The following ANKS1A variants were observed in gnomAD, a reference collection of about 807,000 sequenced individuals.
The protein encoded by ANKS1A is ankyrin repeat and sterile alpha motif domain containing 1A.
ANKS1A carries 55 observed loss-of-function variants against 120.3 expected under a neutral mutation model. The ratio of observed to expected loss-of-function variants is 0.46; its 90% confidence interval spans 0.37 to 0.57. The LOEUF (loss-of-function observed/expected upper bound fraction) is 0.57, where lower values mean the gene tolerates loss of function less well. Among genes scored for constraint, ANKS1A ranks in the 20% least tolerant of loss-of-function variants. The probability of loss-of-function intolerance (pLI) is 0.00; values close to 1 mark genes in which losing one functional copy is unlikely to be tolerated. For synonymous variants in ANKS1A, 590 were observed against 604.7 expected (o/e 0.98, Z 0.36); for missense variants, 1,123 against 1,480.3 (o/e 0.76, Z 3.96).
chr6:34,924,125 G>GTGTGTT (rs1768584274), intron 1 of ANKS1A, among the ~76,000 whole-genome samples: 1 of 145,138 alleles, frequency 6.9e-6, no homozygotes, highest in African/African-American at 2.6e-5. Flanking sequence ...GTGTGTGTGT[G>GTGTGTT]TGTATTTTTC....
intron 1 of ANKS1A, among the ~76,000 whole-genome samples, chr6:34,890,626 C>A (rs999721744): frequency 6.6e-6 from 1 of 152,130 alleles, no homozygotes; most frequent in Non-Finnish European, 1.5e-5. Flanking sequence ...TGTTGTTAAA[C>A]GCTTCAATCT....
chr6:35,076,266 AC>A (rs200359673), intron 13 of ANKS1A, among the ~76,000 whole-genome samples: 4,060 of 152,260 alleles, frequency 0.027, 65 homozygotes, highest in Middle Eastern at 0.058. Context: ...TACTAAAAAT[AC>A]AAAAAATTAG....
chr6:35,069,899 T>C (rs1206553294), intron 13 of ANKS1A, among the ~76,000 whole-genome samples: 1 of 151,734 alleles, frequency 6.6e-6, no homozygotes, highest in African/African-American at 2.4e-5. Context: ...TGGTGGCACA[T>C]GCCTGTAATC....
At chr6:34,970,581 C>CA (rs1428502840) in intron 3 of ANKS1A, among the ~76,000 whole-genome samples, 5 of 152,164 alleles carry the variant, frequency 3.3e-5, no homozygotes, top group African/African-American at 1.2e-4. Flanking sequence ...ACTTAACTAA[C>CA]CATGGATGGA....
intron 13 of ANKS1A, chr6:35,070,831 TG>T: frequency 1.8e-6 from 1 of 541,734 alleles, no homozygotes; most frequent in Non-Finnish European, 3.5e-6. Context: ...TTTCTTTGTG[TG>T]TGTGTGTGTG....
At chr6:34,922,396 A>G (rs1768482863) in intron 1 of ANKS1A, among the ~76,000 whole-genome samples, 1 of 152,320 alleles carries the variant, frequency 6.6e-6, no homozygotes, top group Admixed American at 6.5e-5. Flanking sequence ...TTGTACTGTC[A>G]GGGCTGGAGA....
At chr6:34,894,380 A>G (rs1766972204) in intron 1 of ANKS1A, among the ~76,000 whole-genome samples, 1 of 152,204 alleles carries the variant, frequency 6.6e-6, no homozygotes, top group South Asian at 2.1e-4. Context: ...GGCCAGGCAC[A>G]GTGGCTCACC....
chr6:35,091,304 G>C lies in ANKS1A; in HGVS notation c.*2695G>C, dbSNP rs1778293540. 1 of 985,730 alleles carries C rather than the reference G, an allele frequency of 1.0e-6. No homozygotes were observed. Among genetic ancestry groups the C allele is most frequent in the Non-Finnish European group, 1.2e-6 (1 of 829,952 alleles). The allele number at this position is 985,730 out of a possible 1,614,324, so 61.1% of individuals were successfully genotyped here. A position where few individuals can be genotyped will look rare whatever the true frequency, so the allele number is the denominator to read the frequency against. ...CATAGACTGACCTCAGTACCCAAGA[G>C]AGTGTAAATATTTCTGGGCTTCCAG... is the stretch of plus-strand genomic sequence containing the variant. On this transcript the variant is annotated 3_prime_UTR_variant, in exon 24 of 24. Coordinates refer to ENST00000360359, the MANE Select transcript of ANKS1A (RefSeq NM_015245.3).
chr6:34,889,620 G>C lies in ANKS1A; in HGVS notation c.197+21G>C, dbSNP rs770944100. On this transcript the variant is annotated intron_variant, in intron 1 of 23. Coordinates refer to ENST00000360359, the MANE Select transcript of ANKS1A (RefSeq NM_015245.3). The surrounding 1 kb of genome is among the most constrained non-coding windows in gnomAD (Gnocchi z 5.5). The stretch of plus-strand genomic sequence containing the variant: ...CTCAGGTGGGTACGCGCCAGGGCCG[G>C]GCCGCTGCCTGCAGACCCTTTCTCC... 1 of 1,282,584 alleles carries C rather than the reference G, an allele frequency of 7.8e-7. No homozygotes were observed. The highest frequency in any genetic ancestry group is 3.0e-5 in the East Asian group (1 of 32,940). The allele number at this position is 1,282,584 out of a possible 1,614,324, so 79.5% of individuals were successfully genotyped here. A position where few individuals can be genotyped will look rare whatever the true frequency, so the allele number is the denominator to read the frequency against.
At chr6:34,973,452 A>G (rs1771285669) in intron 3 of ANKS1A, among the ~76,000 whole-genome samples, 1 of 152,140 alleles carries the variant, frequency 6.6e-6, no homozygotes, top group Non-Finnish European at 1.5e-5. Context: ...TCATTGGGTG[A>G]TGGTGTTAGC....
intron 10 of ANKS1A, among the ~76,000 whole-genome samples, chr6:35,016,218 A>C (rs1455325720): frequency 6.6e-6 from 1 of 152,244 alleles, no homozygotes; most frequent in Non-Finnish European, 1.5e-5. Flanking sequence ...TCTAGGTTGA[A>C]GTCTTCTCCT....
chr6:35,041,187 C>T (rs941600434), intron 11 of ANKS1A, among the ~76,000 whole-genome samples: 1 of 152,254 alleles, frequency 6.6e-6, no homozygotes, highest in African/African-American at 2.4e-5. Flanking sequence ...ACTGCCTTCT[C>T]TCTAGATATT....
At chr6:34,988,225 A>C (rs762608243) in intron 8 of ANKS1A, among the ~76,000 whole-genome samples, 2 of 152,236 alleles carry the variant, frequency 1.3e-5, no homozygotes, top group Admixed American at 1.3e-4. Context: ...CTACTTTTGC[A>C]TTATAATGGC....
chr6:34,966,109 A>G (rs1288413776), intron 1 of ANKS1A, among the ~76,000 whole-genome samples: 3 of 152,172 alleles, frequency 2.0e-5, no homozygotes, highest in Non-Finnish European at 2.9e-5. Flanking sequence ...ACTTTAACCT[A>G]ACACTGATAC....
In ANKS1A at chr6:34,889,396, C is replaced by A; in HGVS notation, c.-7C>A. On this transcript the variant is annotated 5_prime_UTR_variant, in exon 1 of 24. Transcript: ENST00000360359. This position sits in a 1 kb window ranked among gnomAD's most constrained non-coding sequence, Gnocchi z 5.5. ...GGGAGGGGGTCCAGCGGGTGGCGGC[C>A]CTGGGGATGGGGAAGGAGCAGGAGC... 7.9e-7 allele frequency: 1 copy of A among 1,265,144 alleles called. No homozygotes were observed. Among genetic ancestry groups the A allele is most frequent in the Non-Finnish European group, 9.9e-7 (1 of 1,008,470 alleles). 78.4% of individuals were successfully genotyped at this position (1,265,144 alleles called of 1,614,324 possible). A position where few individuals can be genotyped will look rare whatever the true frequency, so the allele number is the denominator to read the frequency against.
At chr6:34,940,754 A>G (rs913007730) in intron 1 of ANKS1A, among the ~76,000 whole-genome samples, 2 of 151,900 alleles carry the variant, frequency 1.3e-5, no homozygotes, top group African/African-American at 2.4e-5. Context: ...ACTAAAATAC[A>G]AAAATTAGCT....
At chr6:34,913,187 A>T (rs956490166) in intron 1 of ANKS1A, among the ~76,000 whole-genome samples, 1 of 152,226 alleles carries the variant, frequency 6.6e-6, no homozygotes, top group Non-Finnish European at 1.5e-5. Context: ...AAGGTTGTTC[A>T]TGTACCCCCC....
intron 11 of ANKS1A, among the ~76,000 whole-genome samples, chr6:35,032,787 C>T (rs1173439807): frequency 1.3e-5 from 2 of 152,110 alleles, no homozygotes; most frequent in African/African-American, 4.8e-5. Flanking sequence ...TATGCCACAA[C>T]TGAGAGATTC....
At chr6:34,896,753 T>C (rs906626778) in intron 1 of ANKS1A, among the ~76,000 whole-genome samples, 4 of 151,996 alleles carry the variant, frequency 2.6e-5, no homozygotes. Flanking sequence ...TCACCTGAGG[T>C]CAGGAGTTAG....
Sources: gnomAD v4.1 joint callset for allele counts (sites outside exome capture counted in the v4.1 genomes callset) on GRCh38, gnomAD v4.1.1 for gene constraint, Gnocchi (gnomAD v3.1) non-coding constraint, MANE v1.5 for transcripts, NCBI Gene and HGNC (gene_info 2026-07-23, HGNC 2026-07-21) for gene names.